The following CCDC150 variants were observed in gnomAD, a reference collection of about 807,000 sequenced individuals.
CCDC150 encodes the protein coiled-coil domain containing 150, also known as coiled-coil domain-containing protein 150.
Under a neutral mutation model 156.5 loss-of-function variants are expected in CCDC150, and 151 were observed. That is an observed-to-expected ratio of 0.97 (90% CI 0.85 to 1.10). CCDC150 has a LOEUF of 1.10. Among genes scored for constraint, CCDC150 ranks in the 50% least tolerant of loss-of-function variants. CCDC150 has a pLI of 0.00. For missense variants in CCDC150, 1,312 were observed against 1,268.1 expected, an observed-to-expected ratio of 1.03 and a Z score of -0.53; for synonymous variants, 452 against 429.4, an observed-to-expected ratio of 1.05 and a Z score of -0.65.
chr2:196,657,075 A>G lies in CCDC150; in HGVS notation c.515A>G (p.Asp172Gly), dbSNP rs769775155. 7 of 1,613,772 alleles carry G rather than the reference A, an allele frequency of 4.3e-6. No individual in the cohort carries two copies. In the East Asian group the frequency reaches 1.6e-4, roughly 36 times the overall value. The change falls in exon 4 of 28, where the codon GAC becomes GGC. Residue 172 changes from aspartate (D) to glycine (G), a missense_variant. Transcript: ENST00000389175. ...QQLRAVKEEE[D>G]KAQDEVQRLT... Reference sequence around the variant, plus strand: ...CTGAGAGCTGTAAAAGAGGAAGAAGACAAGGCACAAGATGAGGTGCAAAGG... The same window carrying G: ...CTGAGAGCTGTAAAAGAGGAAGAAGGCAAGGCACAAGATGAGGTGCAAAGG...
chr2:196,729,663 G>A (rs1698420197), intron 23 of CCDC150, 130 bp from the exon 24 acceptor site: 1 of 722,622 alleles, frequency 1.4e-6, no homozygotes, highest in East Asian at 2.7e-5. Context: ...GGCTAGATGG[G>A]AAAGAAAGCT....
At chr2:196,727,727 T>TTA (rs1213601954) in intron 22 of CCDC150, 5 of 151,886 alleles carry the variant, frequency 3.3e-5, no homozygotes, top group Admixed American at 6.5e-5. Flanking sequence ...TTAAGAATAC[T>TTA]TACAGCCGGG....
rs78664873 is a variant in CCDC150 at position 196,732,332 on chromosome 2, T to C, written c.3190-114T>C. On this transcript the variant is annotated intron_variant, in intron 27 of 27. Coordinates refer to ENST00000389175, the MANE Select transcript of CCDC150 (RefSeq NM_001080539.2). Reference sequence around the variant, plus strand: ...AAAGTTCCACCTGTCACAAACTTTTTAGATTAGAATCACTTGTCTTCATGA... The same window carrying C: ...AAAGTTCCACCTGTCACAAACTTTTCAGATTAGAATCACTTGTCTTCATGA... 71 of 1,123,134 alleles carry C rather than the reference T, an allele frequency of 6.3e-5. No individual in the cohort carries two copies. In the East Asian group the frequency reaches 1.7e-3, roughly 26 times the overall value. The allele number at this position is 1,123,134 out of a possible 1,614,324, so 69.6% of individuals were successfully genotyped here. A position where few individuals can be genotyped will look rare whatever the true frequency, so the allele number is the denominator to read the frequency against.
chr2:196,643,235 C>T (rs1432213651), intron 1 of CCDC150, among the ~76,000 whole-genome samples: 1 of 152,162 alleles, frequency 6.6e-6, no homozygotes, highest in East Asian at 1.9e-4. Context: ...CCTCAATCTC[C>T]CCCTTCTTAG....
At chr2:196,675,081 A>G (rs974660254) in intron 10 of CCDC150, among the ~76,000 whole-genome samples, 3 of 152,262 alleles carry the variant, frequency 2.0e-5, no homozygotes, top group Non-Finnish European at 4.4e-5. Flanking sequence ...CAATGTATAT[A>G]ATCATTATGC....
chr2:196,670,183 T>A (rs1426950348), intron 8 of CCDC150, among the ~76,000 whole-genome samples: 1 of 152,178 alleles, frequency 6.6e-6, no homozygotes, highest in Non-Finnish European at 1.5e-5. Context: ...CTTTTTGGTG[T>A]TGGTGGTTGC....
chr2:196,646,598 A>G (rs1179551030), intron 2 of CCDC150, 94 bp downstream of exon 2: 8 of 874,160 alleles, frequency 9.2e-6, no homozygotes, highest in Non-Finnish European at 1.5e-5. Flanking sequence ...GGATATTTGC[A>G]AAAGAACTGA....
Position 196,665,682 on chromosome 2 carries a change from A to G in CCDC150, c.761A>G (p.Gln254Arg). The G allele has an allele frequency of 6.4e-7, 1 of 1,553,572 alleles. No homozygotes were observed. The highest frequency in any genetic ancestry group is 8.8e-7 in the Non-Finnish European group (1 of 1,140,244). The part of the protein sequence containing the change: ...MGSTVEVERK[Q>R]VHILQQNCIA... ...TCAACAGTGGAGGTAGAACGAAAAC[A>G]GGTAGAAAGATTTCTTCTCCTTATG... Residue 254 changes from glutamine (Q) to arginine (R), a missense_variant and splice_region_variant, in exon 6 of 28, where the codon CAG becomes CGG. By Grantham distance (43) the Gln-to-Arg change is conservative (BLOSUM62 1). Transcript: ENST00000389175.
intron 4 of CCDC150, 44 bp from the exon 5 acceptor site, chr2:196,658,748 T>C (rs774363461): frequency 6.3e-6 from 9 of 1,437,150 alleles, no homozygotes; most frequent in East Asian, 2.4e-5. Flanking sequence ...AATTTCTTCC[T>C]GTCATTTCAG....
chr2:196,646,360 T>G lies in CCDC150; in HGVS notation c.32T>G (p.Val11Gly), dbSNP rs765806725. ...TCTTAGGTACATATGGAAACTACAG[T>G]GTCCAGACCGGTCCTTTCTCCAACC... is the stretch of plus-strand genomic sequence containing the variant. MDCKVHMETT[V>G]SRPVLSPTHI... Residue 11 changes from valine (V) to glycine (G), a missense_variant, in exon 2 of 28, where the codon GTG becomes GGG. Transcript: ENST00000389175. 3 of 1,613,786 alleles carry G rather than the reference T, an allele frequency of 1.9e-6. No homozygotes were observed. Among genetic ancestry groups the G allele is most frequent in the Non-Finnish European group, 2.5e-6 (3 of 1,179,708 alleles).
At chr2:196,688,422 TG>T (rs1416680644) in intron 13 of CCDC150, among the ~76,000 whole-genome samples, 3 of 152,328 alleles carry the variant, frequency 2.0e-5, no homozygotes. Flanking sequence ...TGTATGGGAA[TG>T]CTAACGATCT....
intron 5 of CCDC150, 61 bp from the exon 6 acceptor site, chr2:196,665,504 CTT>C: frequency 1.1e-6 from 1 of 939,094 alleles, no homozygotes; most frequent in South Asian, 1.7e-5. Flanking sequence ...TCTCAGGTAA[CTT>C]TGATCTTTGT....
chr2:196,726,258 G>A lies in CCDC150; in HGVS notation c.2556+159G>A, dbSNP rs552283148. 11 of 740,026 alleles carry A rather than the reference G, an allele frequency of 1.5e-5. No individual in the cohort carries two copies. The South Asian group carries it at 2.2e-4, about 14-fold the overall frequency. 45.8% of individuals were successfully genotyped at this position (740,026 alleles called of 1,614,324 possible). ...GACCTCTCTGTAAAGCAACACACAA[G>A]AAAAAAGTTTCTGACATAATTCTCT... On this transcript the variant is annotated intron_variant, in intron 22 of 27. Coordinates refer to ENST00000389175, the MANE Select transcript of CCDC150 (RefSeq NM_001080539.2).
chr2:196,732,105 A>G lies in CCDC150; in HGVS notation c.3142A>G (p.Lys1048Glu). ...RFDGLQLELTKNRLQRPSGED... is the reference protein window; with the variant it reads ...RFDGLQLELTENRLQRPSGED... ...TGATGGTCTACAACTTGAGCTGACAAAAAACCGGTTGCAGAGGCCTTCTGG... is the reference window on the plus strand; with the variant it reads ...TGATGGTCTACAACTTGAGCTGACAGAAAACCGGTTGCAGAGGCCTTCTGG... Residue 1048 changes from lysine (K) to glutamate (E), a missense_variant, in exon 27 of 28, where the codon AAA becomes GAA. Transcript: ENST00000389175. The G allele has an allele frequency of 6.2e-7, 1 of 1,613,876 alleles. No individual in the cohort carries two copies. Among genetic ancestry groups the G allele is most frequent in the South Asian group, 1.1e-5 (1 of 91,078 alleles).
At chr2:196,672,290 G>T in intron 8 of CCDC150, 55 bp from the exon 9 acceptor site, 1 of 788,958 alleles carries the variant, frequency 1.3e-6, no homozygotes, top group Non-Finnish European at 1.9e-6. Flanking sequence ...ATTTTTATAG[G>T]GGTGCACATA....
At chr2:196,716,398 C>T (rs190644083) in intron 17 of CCDC150, among the ~76,000 whole-genome samples, 39 of 152,186 alleles carry the variant, frequency 2.6e-4, no homozygotes, top group Non-Finnish European at 5.1e-4. Context: ...TTGTGATGTC[C>T]CTACAATAGA....
chr2:196,642,711 G>T (rs1227473457), intron 1 of CCDC150, among the ~76,000 whole-genome samples: 1 of 152,110 alleles, frequency 6.6e-6, no homozygotes, highest in Non-Finnish European at 1.5e-5. Flanking sequence ...GGGAGGGAAG[G>T]TTTTTAACTA....
At chr2:196,729,709 T>C (rs1402623351) in intron 23 of CCDC150, 84 bp from the exon 24 acceptor site, 2 of 923,344 alleles carry the variant, frequency 2.2e-6, no homozygotes, top group Admixed American at 5.3e-5. Flanking sequence ...TCATATTGGA[T>C]TCTTTCTGTC....
At chr2:196,706,462 G>T (rs1236165207) in intron 15 of CCDC150, among the ~76,000 whole-genome samples, 6 of 152,040 alleles carry the variant, frequency 3.9e-5, no homozygotes, top group African/African-American at 1.5e-4. Context: ...CTGCAAACAG[G>T]GACAATTTGA....
Sources: allele counts gnomAD v4.1 joint callset (sites outside exome capture counted in the v4.1 genomes callset), GRCh38; gene constraint gnomAD v4.1.1; transcripts MANE v1.5; gene names NCBI Gene and HGNC (gene_info 2026-07-23, HGNC 2026-07-21).